The following CFAP77 variants were observed in gnomAD, a reference collection of about 807,000 sequenced individuals.
The protein encoded by CFAP77 is cilia- and flagella-associated protein 77.
CFAP77 carries 25 observed loss-of-function variants against 31.1 expected under a neutral mutation model. The ratio of observed to expected loss-of-function variants is 0.80; its 90% CI spans 0.59 to 1.12. CFAP77 has a LOEUF of 1.12. CFAP77 is among the 50% of genes most tolerant of loss of function. The probability of loss-of-function intolerance (pLI) is 0.00; values close to 1 mark genes in which losing one functional copy is unlikely to be tolerated. For synonymous variants in CFAP77, 151 were observed against 159.9 expected (o/e 0.94, Z 0.42); for missense variants, 377 against 397.3 (o/e 0.95, Z 0.44).
intron 5 of CFAP77, among the ~76,000 whole-genome samples, chr9:132,548,206 G>A (rs80333724): frequency 0.065 from 8,873 of 135,936 alleles, 313 homozygotes; most frequent in Non-Finnish European, 0.088. Context: ...ATCTCTGAGC[G>A]TCTGCACAAT....
Position 132,424,678 on chromosome 9 carries a change from T to C in CFAP77, c.195+14212T>C, listed in dbSNP as rs754996557. 4.6e-5 allele frequency among the ~76,000 whole-genome samples: 7 copies of C among 152,116 alleles called. No individual in the cohort carries two copies. The highest frequency in any genetic ancestry group is 1.0e-4 in the Non-Finnish European group (7 of 68,028). On this transcript the variant is annotated intron_variant, in intron 1 of 5. Coordinates refer to ENST00000393216, the MANE Select transcript of CFAP77 (RefSeq NM_001282957.2). The surrounding 1 kb of genome is among the most constrained non-coding windows in gnomAD (Gnocchi z 4.1). ...AGCCTTCACTTTGGGTGTCACCACT[T>C]GAAAGTTTAAAGAAGAGACTCGGGA...
chr9:132,437,637 G>A (rs1357282188), intron 1 of CFAP77, among the ~76,000 whole-genome samples: 1 of 150,524 alleles, frequency 6.6e-6, no homozygotes, highest in Non-Finnish European at 1.5e-5. Context: ...AGCCTCCCGA[G>A]TAGCTGGGAC....
At chr9:132,500,023 C>T (rs1374924187) in intron 3 of CFAP77, among the ~76,000 whole-genome samples, 1 of 152,018 alleles carries the variant, frequency 6.6e-6, no homozygotes, top group Non-Finnish European at 1.5e-5. Flanking sequence ...CATTGTGGCA[C>T]GTGCTTATAG....
intron 5 of CFAP77, among the ~76,000 whole-genome samples, chr9:132,570,811 T>C (rs1829948935): frequency 6.6e-6 from 1 of 152,106 alleles, no homozygotes; most frequent in African/African-American, 2.4e-5. Flanking sequence ...ACAGCATGAG[T>C]GGCAGCTGTG....
chr9:132,563,554 C>T (rs1260983087), intron 5 of CFAP77, among the ~76,000 whole-genome samples: 3 of 152,168 alleles, frequency 2.0e-5, no homozygotes, highest in South Asian at 2.1e-4. Context: ...CAGTTGTTCC[C>T]GGCATTTATT....
At chr9:132,435,072 C>T (rs961794797) in intron 1 of CFAP77, among the ~76,000 whole-genome samples, 2 of 152,208 alleles carry the variant, frequency 1.3e-5, no homozygotes, top group South Asian at 2.1e-4. Context: ...GGATCCCTTT[C>T]TTCCGCCGCC....
chr9:132,413,865 T>C (rs1473353784), intron 1 of CFAP77, among the ~76,000 whole-genome samples: 1 of 152,200 alleles, frequency 6.6e-6, no homozygotes, highest in East Asian at 1.9e-4. Context: ...TGTTTTTCTG[T>C]GAGGTTTTAT....
intron 1 of CFAP77, among the ~76,000 whole-genome samples, chr9:132,435,826 G>T (rs1850496491): frequency 6.6e-6 from 1 of 152,168 alleles, no homozygotes. Flanking sequence ...TAGAATGTTT[G>T]GTGATGTCAG....
chr9:132,569,177 G>A (rs1243766747), intron 5 of CFAP77, among the ~76,000 whole-genome samples: 1 of 152,162 alleles, frequency 6.6e-6, no homozygotes, highest in Non-Finnish European at 1.5e-5. Context: ...GCCAAGGGAG[G>A]AGGATCACTT....
chr9:132,524,948 G>A (rs1852331914), intron 3 of CFAP77, among the ~76,000 whole-genome samples: 1 of 147,114 alleles, frequency 6.8e-6, no homozygotes, highest in East Asian at 2.1e-4. Flanking sequence ...GTACCCGGCC[G>A]ACACACCCCA....
chr9:132,478,181 C>G (rs1025321815), intron 1 of CFAP77, among the ~76,000 whole-genome samples: 3 of 152,052 alleles, frequency 2.0e-5, no homozygotes, highest in Non-Finnish European at 4.4e-5. Context: ...CCCCATGCGC[C>G]TCTTCCCTTT....
chr9:132,496,515 G>C (rs1276501585), intron 1 of CFAP77, among the ~76,000 whole-genome samples: 1 of 152,170 alleles, frequency 6.6e-6, no homozygotes, highest in Non-Finnish European at 1.5e-5. Flanking sequence ...CCTGTCCCCA[G>C]CCCTGGCAAC....
intron 1 of CFAP77, among the ~76,000 whole-genome samples, chr9:132,458,186 C>G (rs1358139935): frequency 6.6e-6 from 1 of 152,222 alleles, no homozygotes; most frequent in Admixed American, 6.5e-5. Flanking sequence ...TAAATCAGAA[C>G]ATAAAGAGGG....
In CFAP77 at chr9:132,568,040, A is replaced by T. The variant is rs150177350; in HGVS notation, c.733-4348A>T. Reference sequence around the variant, plus strand: ...CTTTCTGGGAGTCATGGTTCAGCTCACTACAAGGGCCGAGGAGGAAGGAAT... The same window carrying T: ...CTTTCTGGGAGTCATGGTTCAGCTCTCTACAAGGGCCGAGGAGGAAGGAAT... On this transcript the variant is annotated intron_variant, in intron 5 of 5. Coordinates refer to ENST00000393216, the MANE Select transcript of CFAP77 (RefSeq NM_001282957.2). Among the ~76,000 whole-genome samples, 261 of 152,218 alleles carry T rather than the reference A, an allele frequency of 1.7e-3. 1 individual carries two copies. Among genetic ancestry groups the T allele is most frequent in the African/African-American group, 5.9e-3 (246 of 41,536 alleles).
At chr9:132,449,574 T>C (rs1850788675) in intron 1 of CFAP77, among the ~76,000 whole-genome samples, 1 of 152,230 alleles carries the variant, frequency 6.6e-6, no homozygotes, top group African/African-American at 2.4e-5. Context: ...AATTCACTTA[T>C]CCATTTGTTC....
chr9:132,460,963 C>T (rs1399620600), intron 1 of CFAP77, among the ~76,000 whole-genome samples: 2 of 152,024 alleles, frequency 1.3e-5, no homozygotes, highest in Non-Finnish European at 2.9e-5. Flanking sequence ...TGACCTCAGG[C>T]GATTTACCTG....
intron 1 of CFAP77, among the ~76,000 whole-genome samples, chr9:132,430,149 C>G (rs771940092): frequency 6.6e-6 from 1 of 152,072 alleles, no homozygotes; most frequent in Non-Finnish European, 1.5e-5. Context: ...TGTTTGTCTG[C>G]TTCTGTCTAA....
intron 1 of CFAP77, among the ~76,000 whole-genome samples, chr9:132,430,755 T>C (rs975079860): frequency 5.3e-5 from 8 of 151,672 alleles, no homozygotes; most frequent in African/African-American, 9.7e-5. Context: ...CCAAGTAACC[T>C]CCTATCATAT....
intron 1 of CFAP77, among the ~76,000 whole-genome samples, chr9:132,466,149 C>T (rs1851147835): frequency 6.6e-6 from 1 of 152,080 alleles, no homozygotes; most frequent in African/African-American, 2.4e-5. Flanking sequence ...TGCAGTGGCT[C>T]TCTGCAGCCT....
Sources: gnomAD v4.1 joint callset for allele counts (sites outside exome capture counted in the v4.1 genomes callset) on GRCh38, gnomAD v4.1.1 for gene constraint, Gnocchi (gnomAD v3.1) non-coding constraint, MANE v1.5 for transcripts, NCBI Gene and HGNC (gene_info 2026-07-23, HGNC 2026-07-21) for gene names.